ELAVL2: variants seen among roughly 807,000 people sequenced by gnomAD.
ELAVL2 encodes the protein ELAV-like protein 2.
In ELAVL2, 4 loss-of-function variants were observed where a neutral mutation model predicts 34.6. The ratio of observed to expected loss-of-function variants is 0.12; its 90% CI spans 0.06 to 0.26. The LOEUF (loss-of-function observed/expected upper bound fraction) is 0.26. ELAVL2 is among the 10% of genes least tolerant of loss of function. The pLI is 1.00. For synonymous variants in ELAVL2, 193 were observed against 154.8 expected (o/e 1.25, Z -1.83); for missense variants, 432 against 442.8 (o/e 0.98, Z 0.22).
At chr9:23,749,670 G>A (rs1008222176) in intron 2 of ELAVL2, among the ~76,000 whole-genome samples, 1 of 152,044 alleles carries the variant, frequency 6.6e-6, no homozygotes, top group African/African-American at 2.4e-5. Context: ...GGTGCAGAAC[G>A]TGACTTTTGG....
In ELAVL2 at chr9:23,769,032, T is replaced by G. The variant is rs549846703; in HGVS notation, c.-15-6783A>C. Reference sequence around the variant, plus strand: ...GAGTGAACTTGGTCTCTACACTTATTTGCAACTAGAAGCTTTGAATACCCT... The same window carrying G: ...GAGTGAACTTGGTCTCTACACTTATGTGCAACTAGAAGCTTTGAATACCCT... On this transcript the variant is annotated intron_variant, in intron 1 of 6. Transcript: ENST00000397312. 2.0e-5 allele frequency among the ~76,000 whole-genome samples: 3 copies of G among 152,244 alleles called. No individual in the cohort carries two copies. The East Asian group carries it at 5.8e-4, about 29-fold the overall frequency.
At chr9:23,816,053 A>G (rs1337001471) in intron 1 of ELAVL2, among the ~76,000 whole-genome samples, 1 of 152,150 alleles carries the variant, frequency 6.6e-6, no homozygotes, top group East Asian at 1.9e-4. Context: ...ATGGAACCTC[A>G]TTTTAACACG....
At chr9:23,728,062 A>C (rs2045663419) in intron 3 of ELAVL2, among the ~76,000 whole-genome samples, 1 of 152,062 alleles carries the variant, frequency 6.6e-6, no homozygotes, top group Non-Finnish European at 1.5e-5. Context: ...TCAGAAGACA[A>C]GGATTTGTTT....
intron 3 of ELAVL2, among the ~76,000 whole-genome samples, chr9:23,726,209 C>T (rs1403311154): frequency 1.3e-5 from 2 of 152,084 alleles, no homozygotes; most frequent in Non-Finnish European, 2.9e-5. Context: ...TGCTTAATCA[C>T]TCTCAAACTG....
intron 1 of ELAVL2, among the ~76,000 whole-genome samples, chr9:23,814,578 G>C (rs1332111988): frequency 6.6e-6 from 1 of 152,162 alleles, no homozygotes; most frequent in Admixed American, 6.5e-5. Flanking sequence ...AAGACCCCAA[G>C]GGTTTTTAAA....
intron 3 of ELAVL2, among the ~76,000 whole-genome samples, chr9:23,723,800 T>C (rs1306055593): frequency 6.6e-6 from 1 of 152,064 alleles, no homozygotes; most frequent in Admixed American, 6.6e-5. Flanking sequence ...GTTATAAGGG[T>C]TCTGCCTCAA....
At chr9:23,693,969 A>C (rs956170666) in intron 5 of ELAVL2, among the ~76,000 whole-genome samples, 2 of 152,196 alleles carry the variant, frequency 1.3e-5, no homozygotes, top group African/African-American at 4.8e-5. Flanking sequence ...AGAATTCTAT[A>C]CATTTTCCTT....
In ELAVL2 at chr9:23,706,178, A is replaced by T. The variant is rs183264924; in HGVS notation, c.334-1107T>A. On this transcript the variant is annotated intron_variant, in intron 3 of 6. Transcript: ENST00000397312. ...TTGCCTGCCACTGTATGTACTTTCA[A>T]AAAGTTTCATGTCTTTGAGATACGG... Among the ~76,000 whole-genome samples, 160 of 152,306 alleles carry T rather than the reference A, an allele frequency of 1.1e-3. No homozygotes were observed. The Middle Eastern group carries it at 0.014, about 13-fold the overall frequency.
chr9:23,708,145 T>C (rs1180299586), intron 3 of ELAVL2, among the ~76,000 whole-genome samples: 1 of 152,096 alleles, frequency 6.6e-6, no homozygotes, highest in Admixed American at 6.5e-5. Flanking sequence ...AAAAACAGTA[T>C]CTTTCAGTGA....
intron 1 of ELAVL2, among the ~76,000 whole-genome samples, chr9:23,791,480 C>A (rs1038360194): frequency 5.9e-5 from 9 of 152,244 alleles, no homozygotes; most frequent in African/African-American, 2.2e-4. Flanking sequence ...TTGTGTAGTT[C>A]AGTAGTTTCA....
chr9:23,698,515 A>G (rs1266944450), intron 5 of ELAVL2, among the ~76,000 whole-genome samples: 2 of 152,208 alleles, frequency 1.3e-5, no homozygotes, highest in Non-Finnish European at 2.9e-5. Flanking sequence ...CATATAACTT[A>G]TATTGCTCAA....
At chr9:23,763,570 G>A (rs1371747165) in intron 1 of ELAVL2, among the ~76,000 whole-genome samples, 1 of 152,100 alleles carries the variant, frequency 6.6e-6, no homozygotes, top group Admixed American at 6.6e-5. Flanking sequence ...AAGAAAAAAA[G>A]CAAAGTAAAG....
At chr9:23,844,189 T>C in the ELAVL2 span, among the ~76,000 whole-genome samples, 2 of 152,034 alleles carry the variant, frequency 1.3e-5, no homozygotes, top group South Asian at 2.1e-4. Flanking sequence ...AAGTACTTTT[T>C]ACATATCTCT....
chr9:23,841,959 A>T, the ELAVL2 span, among the ~76,000 whole-genome samples: 1 of 152,198 alleles, frequency 6.6e-6, no homozygotes, highest in Non-Finnish European at 1.5e-5. Context: ...AAAGTTTCAA[A>T]ATCAACTCAT....
chr9:23,803,980 C>A (rs1330843865), intron 1 of ELAVL2, among the ~76,000 whole-genome samples: 1 of 152,080 alleles, frequency 6.6e-6, no homozygotes, highest in Non-Finnish European at 1.5e-5. Context: ...TCAAGGCAGG[C>A]ACTGAATGCT....
the ELAVL2 span, among the ~76,000 whole-genome samples, chr9:23,838,559 A>G: frequency 6.6e-6 from 1 of 152,220 alleles, no homozygotes; most frequent in African/African-American, 2.4e-5. Flanking sequence ...AGACAACAAT[A>G]TCAGGTATAA....
chr9:23,779,460 G>C, intron 1 of ELAVL2: 1 of 964,946 alleles, frequency 1.0e-6, no homozygotes, highest in Non-Finnish European at 1.2e-6. Context: ...GCTAGAGAGT[G>C]GGTGGGCGGG....
chr9:23,800,702 T>C lies in ELAVL2; in HGVS notation c.-16+25104A>G, dbSNP rs146179829. Among the ~76,000 whole-genome samples the C allele has an allele frequency of 8.9e-3, 1,355 of 152,258 alleles. 15 individuals carry two copies. Among genetic ancestry groups the C allele is most frequent in the Middle Eastern group, 0.041 (12 of 294 alleles). ...AAATGAATCTACAAAATTAGAAAAT[T>C]TGACTTACTTAAAATAACTTACAGT... On this transcript the variant is annotated intron_variant, in intron 1 of 6. Transcript: ENST00000397312.
rs180799036 is a variant in ELAVL2 at position 23,722,815 on chromosome 9, C to G, written c.333+8207G>C. ...CTGCTGTTTCTGCACGAATTCAAAA[C>G]AGTAAAAAGATAATAGTCCTATGAA... On this transcript the variant is annotated intron_variant, in intron 3 of 6. Coordinates refer to ENST00000397312, the MANE Select transcript of ELAVL2 (RefSeq NM_004432.5). Among the ~76,000 whole-genome samples, 42 of 152,284 alleles carry G rather than the reference C, an allele frequency of 2.8e-4. No individual in the cohort carries two copies. In the East Asian group the frequency reaches 6.9e-3, roughly 25 times the overall value.
Sources: allele counts gnomAD v4.1 joint callset (sites outside exome capture counted in the v4.1 genomes callset), GRCh38; gene constraint gnomAD v4.1.1; transcripts MANE v1.5; gene names NCBI Gene and HGNC (gene_info 2026-07-23, HGNC 2026-07-21).